SMOC1: variants seen among roughly 807,000 people sequenced by gnomAD.
SMOC1 encodes SPARC related modular calcium binding 1.
In SMOC1, 22 loss-of-function variants were observed where a neutral mutation model predicts 56.3. The observed-to-expected ratio is 0.39, with a 90% CI of 0.28 to 0.56. The LOEUF (loss-of-function observed/expected upper bound fraction) is 0.56. Among genes scored for constraint, SMOC1 ranks in the 20% least tolerant of loss-of-function variants. The probability of loss-of-function intolerance (pLI) is 0.61; values close to 1 mark genes in which losing one functional copy is unlikely to be tolerated. For synonymous variants in SMOC1, 193 were observed against 215.0 expected, an observed-to-expected ratio of 0.90 and a Z score of 0.89; for missense variants, 509 against 565.4, an observed-to-expected ratio of 0.90 and a Z score of 1.01.
At chr14:69,963,932 A>T (rs1366041972) in intron 3 of SMOC1, among the ~76,000 whole-genome samples, 7 of 152,142 alleles carry the variant, frequency 4.6e-5, no homozygotes, top group African/African-American at 4.8e-5. Context: ...CCCATCACCC[A>T]TCAGGTGCAA....
rs552830849 is a variant in SMOC1, at chr14:69,879,420, G to A, written c.-259G>A. ...GAATTCCCATGGCCCGGGCTCAGGC[G>A]TCCAACCTGCTGCCGCCTGGGCCCC... On this transcript the variant is annotated 5_prime_UTR_variant, in exon 1 of 12. Coordinates refer to ENST00000361956, the MANE Select transcript of SMOC1 (RefSeq NM_001034852.3). The A allele has an allele frequency of 3.0e-3, 1,114 of 371,414 alleles. 12 individuals are homozygous for A. The highest frequency in any genetic ancestry group is 0.022 in the African/African-American group (1,029 of 47,000). 23.0% of individuals were successfully genotyped at this position (371,414 alleles called of 1,614,324 possible). A position where few individuals can be genotyped will look rare whatever the true frequency, so the allele number is the denominator to read the frequency against.
chr14:69,996,006 G>A (rs1245912988), intron 7 of SMOC1, among the ~76,000 whole-genome samples: 1 of 152,150 alleles, frequency 6.6e-6, no homozygotes, highest in Admixed American at 6.5e-5. Context: ...TAGTCCCTGA[G>A]GCCCTGGAAG....
chr14:69,929,641 G>A (rs1885108026), intron 1 of SMOC1, among the ~76,000 whole-genome samples: 1 of 152,190 alleles, frequency 6.6e-6, no homozygotes, highest in Non-Finnish European at 1.5e-5. Flanking sequence ...GCTCAGGGAA[G>A]CCAGAGTATT....
intron 3 of SMOC1, among the ~76,000 whole-genome samples, chr14:69,963,515 G>A (rs539567878): frequency 1.3e-5 from 2 of 152,218 alleles, no homozygotes; most frequent in East Asian, 1.9e-4. Context: ...AACTGTAGAG[G>A]AGAAATGCTA....
At chr14:69,946,340 A>G (rs1882783675) in intron 1 of SMOC1, among the ~76,000 whole-genome samples, 1 of 152,228 alleles carries the variant, frequency 6.6e-6, no homozygotes, top group African/African-American at 2.4e-5. Context: ...TATATCAAGT[A>G]TCCATCCTAC....
chr14:69,984,131 G>A (rs61977395), intron 5 of SMOC1, among the ~76,000 whole-genome samples: 39,954 of 152,080 alleles, frequency 0.26, 5,789 homozygotes, highest in African/African-American at 0.36. Flanking sequence ...ACAGATGCAT[G>A]AATCAATGGA....
intron 1 of SMOC1, among the ~76,000 whole-genome samples, chr14:69,903,005 A>G (rs891937812): frequency 6.6e-6 from 1 of 151,954 alleles, no homozygotes; most frequent in African/African-American, 2.4e-5. Flanking sequence ...TGGCCTCCCA[A>G]AGTGCCTAGA....
intron 3 of SMOC1, among the ~76,000 whole-genome samples, chr14:69,961,631 C>T (rs764032032): frequency 9.9e-5 from 15 of 152,134 alleles, no homozygotes; most frequent in Non-Finnish European, 2.1e-4. Context: ...ATATGCCCAC[C>T]TCAGCCTCCC....
chr14:69,971,167 T>G (rs1020189505), intron 3 of SMOC1, among the ~76,000 whole-genome samples: 37 of 152,156 alleles, frequency 2.4e-4, no homozygotes, highest in African/African-American at 8.4e-4. Context: ...TACAGGCATC[T>G]GCCACCACGC....
intron 1 of SMOC1, among the ~76,000 whole-genome samples, chr14:69,901,750 C>T (rs1486141497): frequency 6.6e-6 from 1 of 152,260 alleles, no homozygotes; most frequent in African/African-American, 2.4e-5. Flanking sequence ...AGAAGCTGTT[C>T]AGTGGTGCAC....
At chr14:69,899,920 T>A (rs1194388339) in intron 1 of SMOC1, among the ~76,000 whole-genome samples, 1 of 152,246 alleles carries the variant, frequency 6.6e-6, no homozygotes, top group African/African-American at 2.4e-5. Context: ...TCTGCCTGTC[T>A]GTCCAATTTT....
At chr14:69,923,420 A>G (rs1331102539) in intron 1 of SMOC1, among the ~76,000 whole-genome samples, 1 of 152,132 alleles carries the variant, frequency 6.6e-6, no homozygotes, top group Non-Finnish European at 1.5e-5. Context: ...GGGTGGTGGG[A>G]GCACAGGGGG....
At chr14:69,927,641 A>C (rs1344125134) in intron 1 of SMOC1, among the ~76,000 whole-genome samples, 1 of 152,040 alleles carries the variant, frequency 6.6e-6, no homozygotes, top group Admixed American at 6.6e-5. Flanking sequence ...GCGCCACTGC[A>C]CTCCAGCTTG....
chr14:70,018,681 C>G (rs1885605344), intron 10 of SMOC1, among the ~76,000 whole-genome samples: 2 of 152,198 alleles, frequency 1.3e-5, no homozygotes, highest in Non-Finnish European at 2.9e-5. Context: ...CAGGGGAACC[C>G]TCTCCTGGCT....
intron 3 of SMOC1, among the ~76,000 whole-genome samples, chr14:69,957,466 C>A (rs1883228426): frequency 6.6e-6 from 1 of 152,098 alleles, no homozygotes; most frequent in Non-Finnish European, 1.5e-5. Flanking sequence ...ATATTGAGAG[C>A]CTAAGACAAG....
At chr14:69,899,540 T>G (rs1420916704) in intron 1 of SMOC1, among the ~76,000 whole-genome samples, 2 of 152,362 alleles carry the variant, frequency 1.3e-5, no homozygotes, top group South Asian at 2.1e-4. Context: ...TAGACACCAC[T>G]ATACTTCCTG....
At chr14:69,918,428 A>G (rs892440829) in intron 1 of SMOC1, among the ~76,000 whole-genome samples, 5 of 151,852 alleles carry the variant, frequency 3.3e-5, no homozygotes, top group Non-Finnish European at 2.9e-5. Context: ...GGGTTTCACC[A>G]TGTTGCCCAG....
At chr14:69,986,787 G>A (rs1884381128) in intron 5 of SMOC1, among the ~76,000 whole-genome samples, 1 of 152,132 alleles carries the variant, frequency 6.6e-6, no homozygotes, top group Non-Finnish European at 1.5e-5. Context: ...CCTGCAAAAA[G>A]GCAGCTTTCA....
Position 70,000,080 on chromosome 14 carries a change from C to T in SMOC1, c.664+5600C>T, listed in dbSNP as rs145446672. Among the ~76,000 whole-genome samples the T allele has an allele frequency of 2.2e-3, 334 of 152,254 alleles. 1 individual carries two copies. Among genetic ancestry groups the T allele is most frequent in the African/African-American group, 7.8e-3 (324 of 41,546 alleles). On this transcript the variant is annotated intron_variant, in intron 7 of 11. Coordinates refer to ENST00000361956, the MANE Select transcript of SMOC1 (RefSeq NM_001034852.3). ...CCCAGGTATTGTCATTGGCTCATTC[C>T]AATTTTCTGGAAGTCAACTACAGTC...
Sources: gnomAD v4.1 joint callset for allele counts (sites outside exome capture counted in the v4.1 genomes callset) on GRCh38, gnomAD v4.1.1 for gene constraint, MANE v1.5 for transcripts, NCBI Gene and HGNC (gene_info 2026-07-23, HGNC 2026-07-21) for gene names.